The following NSF variants were observed in gnomAD, a reference collection of about 807,000 sequenced individuals.
NSF encodes vesicle-fusing ATPase.
Under a neutral mutation model 50.3 loss-of-function variants are expected in NSF, and 14 were observed. That is an observed-to-expected ratio of 0.28 (90% CI 0.18 to 0.44). The LOEUF is 0.44. NSF is among the 20% of genes least tolerant of loss of function. The pLI, the probability that NSF is intolerant of heterozygous loss-of-function variation, is 1.00. For synonymous variants in NSF, 109 were observed against 175.7 expected, an observed-to-expected ratio of 0.62 and a Z score of 3.00; for missense variants, 218 against 504.3, an observed-to-expected ratio of 0.43 and a Z score of 5.44.
intron 17 of NSF, among the ~76,000 whole-genome samples, chr17:46,740,439 A>G (rs1383827117): frequency 6.6e-6 from 1 of 152,218 alleles, no homozygotes; most frequent in South Asian, 2.1e-4. Context: ...ATTAGAAAGG[A>G]GAATATTGAC....
intron 14 of NSF, among the ~76,000 whole-genome samples, chr17:46,711,381 A>G (rs1478523847): frequency 6.6e-6 from 1 of 152,226 alleles, no homozygotes; most frequent in Admixed American, 6.5e-5. Flanking sequence ...ACACTGAATG[A>G]TGCCACTTAG....
At chr17:46,726,724 T>C in intron 16 of NSF, 109 bp downstream of exon 16, 1 of 958,368 alleles carries the variant, frequency 1.0e-6, no homozygotes, top group Non-Finnish European at 1.7e-6. Flanking sequence ...GCAATAGAAA[T>C]ACCTTTCTTT....
chr17:46,638,948 C>T (rs2058209083), intron 5 of NSF, among the ~76,000 whole-genome samples: 1 of 32,392 alleles, frequency 3.1e-5, no homozygotes, highest in Non-Finnish European at 5.1e-5. Flanking sequence ...TTAGACACTG[C>T]AGATCGGCAG....
chr17:46,728,965 TAAC>T, intron 17 of NSF, 31 bp downstream of exon 17: 1 of 1,321,316 alleles, frequency 7.6e-7, no homozygotes, highest in Non-Finnish European at 1.1e-6. Flanking sequence ...AGGAATATTT[TAAC>T]AAAGAGTTTT....
At chr17:46,729,830 T>C (rs2058931303) in intron 17 of NSF, among the ~76,000 whole-genome samples, 1 of 152,188 alleles carries the variant, frequency 6.6e-6, no homozygotes, top group Non-Finnish European at 1.5e-5. Flanking sequence ...CACTTAAAAG[T>C]AAATGACTTG....
chr17:46,727,844 G>A (rs980847747), intron 16 of NSF, among the ~76,000 whole-genome samples: 1 of 152,142 alleles, frequency 6.6e-6, no homozygotes, highest in Admixed American at 6.6e-5. Flanking sequence ...ATCTGTGCAT[G>A]CTTGCTCATT....
intron 18 of NSF, among the ~76,000 whole-genome samples, chr17:46,750,876 C>T (rs1470809916): frequency 6.6e-6 from 1 of 151,116 alleles, no homozygotes; most frequent in Non-Finnish European, 1.5e-5. Flanking sequence ...GTAAAAGGAA[C>T]TTTATTAACA....
intron 15 of NSF, among the ~76,000 whole-genome samples, chr17:46,716,994 G>A (rs528872529): frequency 6.9e-4 from 105 of 152,000 alleles, no homozygotes; most frequent in Non-Finnish European, 1.5e-3. Flanking sequence ...TTGTTTCCAG[G>A]TTTTTTTCAC....
chr17:46,756,037 ATGC>A lies in NSF; in HGVS notation c.*218_*220del. On this transcript the variant is annotated 3_prime_UTR_variant, in exon 21 of 21. Transcript: ENST00000398238. ...GTGGAAGGTGTCAATTTGGTTTAGA[ATGC>A]TGCGCTTACCTTCCCATGCAGGCTA... The A allele has an allele frequency of 1.8e-6, 1 of 540,932 alleles. No homozygotes were observed. Among genetic ancestry groups the A allele is most frequent in the Non-Finnish European group, 3.3e-6 (1 of 307,330 alleles). 33.5% of individuals were successfully genotyped at this position (540,932 alleles called of 1,614,324 possible). A position where few individuals can be genotyped will look rare whatever the true frequency, so the allele number is the denominator to read the frequency against.
intron 13 of NSF, among the ~76,000 whole-genome samples, chr17:46,709,844 A>T (rs1432444861): frequency 6.6e-6 from 1 of 152,174 alleles, no homozygotes; most frequent in East Asian, 1.9e-4. Flanking sequence ...TAGTTTCATC[A>T]TTACTTTTTA....
At chr17:46,730,441 C>A (rs184931162) in intron 17 of NSF, among the ~76,000 whole-genome samples, 31 of 152,088 alleles carry the variant, frequency 2.0e-4, no homozygotes, top group African/African-American at 7.5e-4. Context: ...AGAGGTACAC[C>A]CCCTTGGCTG....
chr17:46,710,858 G>A, intron 13 of NSF, 105 bp from the exon 14 acceptor site: 1 of 946,558 alleles, frequency 1.1e-6, no homozygotes, highest in Non-Finnish European at 1.5e-6. Flanking sequence ...ATTAATATGG[G>A]ATAGTGATCA....
chr17:46,738,611 C>T (rs1309834414), intron 17 of NSF, among the ~76,000 whole-genome samples: 2 of 152,134 alleles, frequency 1.3e-5, no homozygotes, highest in African/African-American at 4.8e-5. Context: ...TAGGTAGATA[C>T]GGTGTGCCCT....
Position 46,755,883 on chromosome 17 carries a change from G to C in NSF, c.*60G>C. ...AAGTGACCAAGGTGAAGATGGCCTA[G>C]GATCTTCACTGTCTTACTCAAGATA... On this transcript the variant is annotated 3_prime_UTR_variant, in exon 21 of 21. Transcript: ENST00000398238. 2 of 1,524,010 alleles carry C rather than the reference G, an allele frequency of 1.3e-6. No individual in the cohort carries two copies. The highest frequency in any genetic ancestry group is 2.3e-5 in the South Asian group (2 of 86,300). 94.4% of individuals were successfully genotyped at this position (1,524,010 alleles called of 1,614,324 possible). A position where few individuals can be genotyped will look rare whatever the true frequency, so the allele number is the denominator to read the frequency against.
chr17:46,638,557 A>G (rs1428639614), intron 5 of NSF, among the ~76,000 whole-genome samples: 6 of 81,110 alleles, frequency 7.4e-5, no homozygotes, highest in African/African-American at 3.8e-4. Flanking sequence ...TTGTACTTTT[A>G]GTAGAGATGG....
chr17:46,740,032 T>A (rs1345118854), intron 17 of NSF, among the ~76,000 whole-genome samples: 1 of 152,164 alleles, frequency 6.6e-6, no homozygotes, highest in Non-Finnish European at 1.5e-5. Context: ...TTCCTCAAAG[T>A]TTCATAGGCC....
At chr17:46,671,825 A>G (rs2146201474) in intron 8 of NSF, among the ~76,000 whole-genome samples, 1 of 139,664 alleles carries the variant, frequency 7.2e-6, no homozygotes, top group South Asian at 2.2e-4. Context: ...GCATAGTTGC[A>G]AAGTTAAGAT....
At chr17:46,755,231 C>T in intron 19 of NSF, 83 bp from the exon 20 acceptor site, 1 of 1,034,376 alleles carries the variant, frequency 9.7e-7, no homozygotes, top group Non-Finnish European at 1.5e-6. Flanking sequence ...AAGTGTGAAA[C>T]CGAACACTGC....
chr17:46,716,004 ATAT>A (rs2058765084), intron 15 of NSF, among the ~76,000 whole-genome samples: 1 of 152,180 alleles, frequency 6.6e-6, no homozygotes, highest in Non-Finnish European at 1.5e-5. Context: ...TGGGGGAAAA[ATAT>A]TATTCTTTGT....
Sources: gnomAD v4.1 joint callset for allele counts (sites outside exome capture counted in the v4.1 genomes callset) on GRCh38, gnomAD v4.1.1 for gene constraint, MANE v1.5 for transcripts, NCBI Gene and HGNC (gene_info 2026-07-23, HGNC 2026-07-21) for gene names.